Variants in ZNF451 observed in about 807,000 individuals in gnomAD.
The protein encoded by ZNF451 is E3 SUMO-protein ligase ZNF451.
ZNF451 carries 80 observed loss-of-function variants against 107.1 expected under a neutral mutation model. The ratio of observed to expected loss-of-function variants is 0.75; its 90% CI spans 0.62 to 0.90. ZNF451 has a LOEUF of 0.90. Ranked by LOEUF, ZNF451 falls within the 40% of genes least tolerant of loss-of-function variation. The pLI, the probability that ZNF451 is intolerant of heterozygous loss-of-function variation, is 0.00. For synonymous variants in ZNF451, 362 were observed against 406.5 expected (o/e 0.89, Z 1.32); for missense variants, 1,107 against 1,236.2 (o/e 0.90, Z 1.57).
chr6:57,097,318 A>C (rs145609122), intron 2 of ZNF451, among the ~76,000 whole-genome samples: 44 of 152,310 alleles, frequency 2.9e-4, no homozygotes, highest in African/African-American at 9.9e-4. Flanking sequence ...GGGGAGAAAG[A>C]AGCTATCTTT....
In ZNF451 at chr6:57,128,720, T is replaced by C; in HGVS notation, c.313-9T>C. ...TAATCTTAATTGAGTTTTTTCTTAA[T>C]GTCTTCAGGAAAAAATTGATTTTCA... On this transcript the variant is annotated splice_polypyrimidine_tract_variant and intron_variant, in intron 4 of 14. Transcript: ENST00000370706. 1.9e-6 allele frequency: 3 copies of C among 1,593,424 alleles called. No individual in the cohort carries two copies. The South Asian group carries it at 3.4e-5, about 18-fold the overall frequency.
intron 14 of ZNF451, among the ~76,000 whole-genome samples, chr6:57,166,531 T>G (rs1226198154): frequency 6.6e-5 from 10 of 152,228 alleles, no homozygotes; most frequent in African/African-American, 2.4e-5. Flanking sequence ...GTTTTATTAC[T>G]TTTAAAACTT....
intron 3 of ZNF451, chr6:57,108,388 A>C: frequency 1.0e-6 from 1 of 985,400 alleles, no homozygotes; most frequent in African/African-American, 1.7e-5. Flanking sequence ...ACCTTGATTT[A>C]TAAATGTAGT....
At chr6:57,160,535 G>C (rs191633473) in intron 13 of ZNF451, among the ~76,000 whole-genome samples, 2 of 152,010 alleles carry the variant, frequency 1.3e-5, no homozygotes, top group African/African-American at 4.8e-5. Context: ...GGGTTTTGCT[G>C]TGTTGCCCAG....
chr6:57,167,561 TA>T (rs1481988824), intron 14 of ZNF451, among the ~76,000 whole-genome samples: 4 of 152,166 alleles, frequency 2.6e-5, no homozygotes, highest in African/African-American at 9.7e-5. Flanking sequence ...TACTTTAAAT[TA>T]GACAACATAA....
chr6:57,113,745 C>T (rs1187346815), intron 3 of ZNF451, among the ~76,000 whole-genome samples: 1 of 151,796 alleles, frequency 6.6e-6, no homozygotes, highest in East Asian at 1.9e-4. Flanking sequence ...CCACAGCCTC[C>T]CGAGTAGCTG....
rs751477254 is a variant in ZNF451 at position 57,147,300 on chromosome 6, C to A, written c.1215C>A (p.Ser405Arg). ...CAGTCTTACTCTATTGCCACAGCAG[C>A]GAAGGGAACAAGGATCCTTCTTCTG... is the stretch of plus-strand genomic sequence containing the variant. ...EESVLLYCHS[S>R]EGNKDPSSDL... is the part of the protein sequence containing the mutation. The change falls in exon 10 of 15, where the codon AGC (serine) becomes AGA (arginine). Residue 405 changes from serine to arginine, a missense_variant. Transcript: ENST00000370706. The A allele has an allele frequency of 1.2e-6, 2 of 1,613,942 alleles. No individual in the cohort carries two copies. Among genetic ancestry groups the A allele is most frequent in the Non-Finnish European group, 1.7e-6 (2 of 1,179,992 alleles).
At chr6:57,145,201 T>G (rs1454765133) in intron 9 of ZNF451, among the ~76,000 whole-genome samples, 1 of 152,170 alleles carries the variant, frequency 6.6e-6, no homozygotes, top group African/African-American at 2.4e-5. Flanking sequence ...TTATTTTGAG[T>G]TAATTTGTGG....
intron 5 of ZNF451, among the ~76,000 whole-genome samples, chr6:57,130,995 T>C (rs996750556): frequency 2.6e-5 from 4 of 152,164 alleles, no homozygotes; most frequent in Non-Finnish European, 5.9e-5. Context: ...ATTCCATAAA[T>C]GGGCTTTAGA....
At chr6:57,135,093 C>T (rs1211865703) in intron 7 of ZNF451, among the ~76,000 whole-genome samples, 2 of 152,108 alleles carry the variant, frequency 1.3e-5, no homozygotes, top group Non-Finnish European at 2.9e-5. Context: ...TCATCAAAAT[C>T]CTTTCATGGA....
chr6:57,168,622 T>C lies in ZNF451; in HGVS notation c.*153T>C. The C allele has an allele frequency of 2.0e-5, 13 of 654,642 alleles. No individual in the cohort carries two copies. In the South Asian group the frequency reaches 2.3e-4, roughly 12 times the overall value. The allele number at this position is 654,642 out of a possible 1,614,324, so 40.6% of individuals were successfully genotyped here. A position where few individuals can be genotyped will look rare whatever the true frequency, so the allele number is the denominator to read the frequency against. On this transcript the variant is annotated 3_prime_UTR_variant, in exon 15 of 15. Transcript: ENST00000370706. ...CATATGTTCAAAATCTGATCTTTGT[T>C]TTGTATTTTTGTGCTAATGTGCAAA...
At chr6:57,138,657 A>C (rs1285607601) in intron 7 of ZNF451, among the ~76,000 whole-genome samples, 6 of 126,836 alleles carry the variant, frequency 4.7e-5, no homozygotes, top group Non-Finnish European at 9.6e-5. Flanking sequence ...CAGATATCTT[A>C]TTTCCCATTC....
Position 57,148,375 on chromosome 6 carries a change from A to T in ZNF451, c.2290A>T (p.Asn764Tyr), listed in dbSNP as rs180936685. ...CAGTTTATGTTCGGCAACAGCACAGAATTTAACCGACATGAACACTCATAT... is the reference window on the plus strand; with the variant it reads ...CAGTTTATGTTCGGCAACAGCACAGTATTTAACCGACATGAACACTCATAT... ...RCSLCSATAQ[N>Y]LTDMNTHIHQ... Residue 764 changes from asparagine (N) to tyrosine (Y), a missense_variant, in exon 10 of 15, where the codon AAT becomes TAT. Asn to Tyr is a moderately radical substitution (Grantham distance 143). This residue lies in a region of ZNF451 where 608 missense variants were observed against 649.2 expected (regional missense o/e 0.94). Coordinates refer to ENST00000370706, the MANE Select transcript of ZNF451 (RefSeq NM_001031623.3). 5.9e-5 allele frequency: 96 copies of T among 1,613,960 alleles called. No individual in the cohort carries two copies. The East Asian group carries it at 1.8e-3, about 31-fold the overall frequency.
chr6:57,136,915 A>G (rs1013753331), intron 7 of ZNF451, among the ~76,000 whole-genome samples: 5 of 152,180 alleles, frequency 3.3e-5, no homozygotes, highest in African/African-American at 1.2e-4. Context: ...TCTGAAAAGC[A>G]GTATGGTAAC....
rs577411531 is a variant in ZNF451, at chr6:57,160,626, C to T, written c.3071-458C>T. Among the ~76,000 whole-genome samples the T allele has an allele frequency of 8.5e-5, 13 of 152,286 alleles. No homozygotes were observed. The South Asian group carries it at 1.4e-3, about 17-fold the overall frequency. On this transcript the variant is annotated intron_variant, in intron 13 of 14. Coordinates refer to ENST00000370706, the MANE Select transcript of ZNF451 (RefSeq NM_001031623.3). ...CTGGAATTACAGGTGTGAACAACCA[C>T]GCCTGGCCTCAATATCCTTTTTCTA...
intron 2 of ZNF451, among the ~76,000 whole-genome samples, chr6:57,094,257 T>C (rs1829184967): frequency 6.6e-6 from 1 of 152,192 alleles, no homozygotes; most frequent in Non-Finnish European, 1.5e-5. Context: ...TGCCCCTAAA[T>C]TGTGTGGTAT....
intron 5 of ZNF451, among the ~76,000 whole-genome samples, chr6:57,129,474 T>C (rs1831082072): frequency 6.6e-6 from 1 of 152,168 alleles, no homozygotes; most frequent in Non-Finnish European, 1.5e-5. Flanking sequence ...TTTAAAGAGT[T>C]AGGATATCCA....
In ZNF451 at chr6:57,147,438, A is replaced by T. The variant is rs1832122898; in HGVS notation, c.1353A>T (p.Leu451Phe). 1 of 1,614,086 alleles carries T rather than the reference A, an allele frequency of 6.2e-7. No homozygotes were observed. The change falls in exon 10 of 15, where the codon TTA becomes TTT. Residue 451 changes from leucine (L) to phenylalanine (F), a missense_variant. Coordinates refer to ENST00000370706, the MANE Select transcript of ZNF451 (RefSeq NM_001031623.3). Reference protein sequence around the residue: ...CIAIPKKKMNLKDKSHEGVAC... With the variant: ...CIAIPKKKMNFKDKSHEGVAC... The stretch of plus-strand genomic sequence containing the variant: ...CCATTCCAAAAAAGAAGATGAATTT[A>T]AAAGATAAAAGCCATGAAGGTGTTG...
intron 6 of ZNF451, among the ~76,000 whole-genome samples, chr6:57,133,588 T>C (rs1831285050): frequency 6.6e-6 from 1 of 152,348 alleles, no homozygotes; most frequent in East Asian, 1.9e-4. Context: ...AAATAAATGT[T>C]AAAAGCAAAC....
Sources: allele counts gnomAD v4.1 joint callset (sites outside exome capture counted in the v4.1 genomes callset), GRCh38; gene constraint gnomAD v4.1.1; regional missense constraint gnomAD v4.1.1; transcripts MANE v1.5; gene names NCBI Gene and HGNC (gene_info 2026-07-23, HGNC 2026-07-21).